PDE4D: variants seen among roughly 807,000 people sequenced by gnomAD.
PDE4D encodes phosphodiesterase 4D.
PDE4D carries 24 observed loss-of-function variants against 87.4 expected under a neutral mutation model. The ratio of observed to expected loss-of-function variants is 0.27; its 90% CI spans 0.20 to 0.39. The LOEUF (loss-of-function observed/expected upper bound fraction) is 0.39, where lower values mean the gene tolerates loss of function less well. Among genes scored for constraint, PDE4D ranks in the 10% least tolerant of loss-of-function variants. The pLI is 1.00. For missense variants in PDE4D, 714 were observed against 1,041.0 expected (o/e 0.69, Z 4.32); for synonymous variants, 384 against 383.2 (o/e 1.00, Z -0.02).
chr5:60,022,390 A>G (rs1275018420), intron 2 of PDE4D, among the ~76,000 whole-genome samples: 1 of 152,206 alleles, frequency 6.6e-6, no homozygotes, highest in Non-Finnish European at 1.5e-5. Flanking sequence ...GGGGAAGTTA[A>G]TTTAAGTTAT....
chr5:59,205,258 C>T (rs1748483507), intron 2 of PDE4D, among the ~76,000 whole-genome samples: 1 of 151,964 alleles, frequency 6.6e-6, no homozygotes, highest in Non-Finnish European at 1.5e-5. Flanking sequence ...TGAGATTATG[C>T]TCTTTCTTTT....
At chr5:60,258,480 G>A (rs1461711013) in intron 1 of PDE4D, among the ~76,000 whole-genome samples, 1 of 151,878 alleles carries the variant, frequency 6.6e-6, no homozygotes, top group African/African-American at 2.4e-5. Context: ...CTTTGCTGGT[G>A]AACTTGCAAT....
intron 1 of PDE4D, among the ~76,000 whole-genome samples, chr5:59,270,862 A>AC (rs1450718143): frequency 6.6e-6 from 1 of 152,116 alleles, no homozygotes; most frequent in Admixed American, 6.6e-5. Flanking sequence ...CCAGCCTATG[A>AC]CCTTGCTCAA....
chr5:59,717,606 T>C lies in PDE4D; in HGVS notation c.455+175562A>G, dbSNP rs535587895. On this transcript the variant is annotated intron_variant, in intron 1 of 14. Coordinates refer to ENST00000340635, the MANE Select transcript of PDE4D (RefSeq NM_001104631.2). ...AATGCAATAGGAAACTAAGAAAAAT[T>C]ATTAGGATAGATCCAATGTTACATT... Among the ~76,000 whole-genome samples the C allele has an allele frequency of 1.2e-4, 19 of 152,316 alleles. No homozygotes were observed. The South Asian group carries it at 3.9e-3, about 32-fold the overall frequency.
At chr5:60,059,755 G>A (rs769591508) in intron 2 of PDE4D, among the ~76,000 whole-genome samples, 1 of 151,960 alleles carries the variant, frequency 6.6e-6, no homozygotes, top group African/African-American at 2.4e-5. Context: ...CAGGAAAGAG[G>A]ACACCCAGGA....
chr5:59,065,262 C>T (rs1161868924), intron 5 of PDE4D, among the ~76,000 whole-genome samples: 1 of 152,026 alleles, frequency 6.6e-6, no homozygotes, highest in Admixed American at 6.6e-5. Context: ...ATCTCACTTA[C>T]ATGTATAATC....
intron 1 of PDE4D, among the ~76,000 whole-genome samples, chr5:60,299,604 A>G (rs2149789828): frequency 6.6e-6 from 1 of 152,142 alleles, no homozygotes; most frequent in South Asian, 2.1e-4. Context: ...CCATGTGCCC[A>G]TGTGTTCTCA....
intron 1 of PDE4D, among the ~76,000 whole-genome samples, chr5:59,780,398 T>A (rs571895244): frequency 1.2e-3 from 177 of 152,314 alleles, no homozygotes; most frequent in Admixed American, 9.8e-3. Context: ...TTTAGCTCTT[T>A]AACAATTTTA....
At chr5:59,844,810 G>T (rs1220119230) in intron 1 of PDE4D, among the ~76,000 whole-genome samples, 1 of 152,038 alleles carries the variant, frequency 6.6e-6, no homozygotes, top group Non-Finnish European at 1.5e-5. Flanking sequence ...TGTAATTAAG[G>T]ATCTCAAATC....
chr5:60,485,743 C>T (rs1397192022), intron 1 of PDE4D, among the ~76,000 whole-genome samples: 2 of 152,164 alleles, frequency 1.3e-5, no homozygotes, highest in African/African-American at 4.8e-5. Flanking sequence ...TGCCTTGCCC[C>T]CAGCCCACTG....
At chr5:60,020,989 T>G (rs1766009552) in intron 2 of PDE4D, among the ~76,000 whole-genome samples, 1 of 152,172 alleles carries the variant, frequency 6.6e-6, no homozygotes, top group Non-Finnish European at 1.5e-5. Context: ...TGAATTTTAT[T>G]CAAACCAATC....
intron 1 of PDE4D, among the ~76,000 whole-genome samples, chr5:59,397,056 G>A (rs114114677): frequency 0.26 from 25,028 of 97,790 alleles, 3,982 homozygotes; most frequent in East Asian, 0.33. Flanking sequence ...ATATGCACCT[G>A]CAGGAGCACC....
At chr5:59,024,489 G>A (rs1755847993) in intron 6 of PDE4D, among the ~76,000 whole-genome samples, 1 of 152,138 alleles carries the variant, frequency 6.6e-6, no homozygotes, top group Non-Finnish European at 1.5e-5. Context: ...GAGGCACCAC[G>A]CCCGGCTGCT....
intron 5 of PDE4D, among the ~76,000 whole-genome samples, chr5:59,042,746 C>G (rs759816231): frequency 2.6e-5 from 4 of 152,200 alleles, no homozygotes; most frequent in Non-Finnish European, 5.9e-5. Flanking sequence ...TATGTAACAC[C>G]CGCATTCTGC....
chr5:59,215,602 C>G (rs1751076061), intron 2 of PDE4D, 175 bp downstream of exon 2: 2 of 552,496 alleles, frequency 3.6e-6, no homozygotes, highest in Non-Finnish European at 3.2e-6. Context: ...TCAAGAGTGA[C>G]AGTGCACTCA....
chr5:59,161,675 G>T (rs989410784), intron 5 of PDE4D, among the ~76,000 whole-genome samples: 2 of 152,180 alleles, frequency 1.3e-5, no homozygotes, highest in African/African-American at 4.8e-5. Context: ...CAAGGAGGAA[G>T]TCCATTCAGG....
At chr5:60,329,572 A>G (rs1275115996) in intron 1 of PDE4D, among the ~76,000 whole-genome samples, 2 of 152,306 alleles carry the variant, frequency 1.3e-5, no homozygotes, top group East Asian at 1.9e-4. Flanking sequence ...CTGGGACTCT[A>G]TGAGAGCAGA....
chr5:59,070,794 T>C (rs759953651), intron 5 of PDE4D, among the ~76,000 whole-genome samples: 1 of 152,202 alleles, frequency 6.6e-6, no homozygotes, highest in African/African-American at 2.4e-5. Context: ...AATCTAAGTA[T>C]GGCTCAAACA....
At chr5:60,391,326 C>T (rs895609263) in intron 1 of PDE4D, among the ~76,000 whole-genome samples, 11 of 152,178 alleles carry the variant, frequency 7.2e-5, no homozygotes, top group South Asian at 2.1e-4. Flanking sequence ...ACAGCCACCC[C>T]GCAGATTAGT....
Sources: gnomAD v4.1 joint callset for allele counts (sites outside exome capture counted in the v4.1 genomes callset) on GRCh38, gnomAD v4.1.1 for gene constraint, MANE v1.5 for transcripts, NCBI Gene and HGNC (gene_info 2026-07-23, HGNC 2026-07-21) for gene names.